SEC31A: variants seen among roughly 807,000 people sequenced by gnomAD.
SEC31A encodes the protein SEC31 homolog A, COPII component.
In SEC31A, 70 loss-of-function variants were observed where a neutral mutation model predicts 151.0. That is an observed-to-expected ratio of 0.46 (90% CI 0.38 to 0.57). The LOEUF is 0.57. Among genes scored for constraint, SEC31A ranks in the 20% least tolerant of loss-of-function variants. The pLI is 0.00. For synonymous variants in SEC31A, 475 were observed against 505.9 expected, an observed-to-expected ratio of 0.94 and a Z score of 0.82; for missense variants, 1,330 against 1,471.2, an observed-to-expected ratio of 0.90 and a Z score of 1.57.
chr4:82,890,839 G>A, intron 1 of SEC31A: 2 of 1,329,670 alleles, frequency 1.5e-6, no homozygotes, highest in Non-Finnish European at 1.9e-6. Flanking sequence ...ACTGTCGCCA[G>A]CCTCGGGTGG....
intron 1 of SEC31A, among the ~76,000 whole-genome samples, chr4:82,890,268 G>A (rs1302985107): frequency 1.4e-5 from 2 of 146,020 alleles, no homozygotes; most frequent in African/African-American, 5.1e-5. Flanking sequence ...CGGAGGTACA[G>A]AAAACGCAGG....
At position 82,818,933 on chromosome 4, in the gene SEC31A, T is replaced by C. The variant is rs181854771; in HGVS notation, c.*141A>G. 8.4e-6 allele frequency: 5 copies of C among 596,224 alleles called. No homozygotes were observed. The highest frequency in any genetic ancestry group is 1.4e-5 in the Non-Finnish European group (5 of 358,010). 36.9% of individuals were successfully genotyped at this position (596,224 alleles called of 1,614,324 possible). A position where few individuals can be genotyped will look rare whatever the true frequency, so the allele number is the denominator to read the frequency against. On this transcript the variant is annotated 3_prime_UTR_variant, in exon 27 of 27. Coordinates refer to ENST00000395310, the MANE Select transcript of SEC31A (RefSeq NM_001077207.4). ...GTTCTGAGCAGTTCTAAGGTGAGTA[T>C]ATCAGCAGAAATAGTGTAAATGCTC...
chr4:82,826,037 T>C (rs1430297375), intron 24 of SEC31A, among the ~76,000 whole-genome samples: 1 of 152,086 alleles, frequency 6.6e-6, no homozygotes, highest in Non-Finnish European at 1.5e-5. Context: ...CATGCTGAGG[T>C]TGAAGTACCT....
chr4:82,851,717 G>A (rs1329354909), intron 18 of SEC31A, 113 bp from the exon 19 acceptor site: 11 of 837,590 alleles, frequency 1.3e-5, no homozygotes, highest in African/African-American at 1.7e-5. Flanking sequence ...TATAGTACCT[G>A]TTATCATCCC....
chr4:82,865,583 T>TAC (rs1280858149), intron 10 of SEC31A, among the ~76,000 whole-genome samples: 2 of 99,692 alleles, frequency 2.0e-5, no homozygotes, highest in South Asian at 3.2e-4. Flanking sequence ...TATATATATA[T>TAC]ACAATGCAAT....
chr4:82,859,784 T>TAA (rs1733645724), intron 14 of SEC31A, among the ~76,000 whole-genome samples: 1 of 111,198 alleles, frequency 9.0e-6, no homozygotes, highest in African/African-American at 3.1e-5. Context: ...CAAACTTGCA[T>TAA]AAAAATATTT....
chr4:82,845,466 C>G (rs1305847230), intron 20 of SEC31A, among the ~76,000 whole-genome samples: 1 of 151,808 alleles, frequency 6.6e-6, no homozygotes, highest in Admixed American at 6.6e-5. Context: ...CCCAAAAAAA[C>G]AAAACAAAAC....
chr4:82,838,322 T>C (rs1272649794), intron 22 of SEC31A, among the ~76,000 whole-genome samples: 1 of 152,138 alleles, frequency 6.6e-6, no homozygotes, highest in Non-Finnish European at 1.5e-5. Context: ...GAAAGTGCTC[T>C]CCCTCCTAGA....
intron 14 of SEC31A, 150 bp downstream of exon 14, chr4:82,861,481 T>C: frequency 5.3e-6 from 3 of 562,590 alleles, no homozygotes; most frequent in Non-Finnish European, 9.8e-6. Flanking sequence ...TCAGTATAGG[T>C]AGATAGATTC....
intron 26 of SEC31A, among the ~76,000 whole-genome samples, chr4:82,820,710 C>T (rs1336036337): frequency 3.9e-5 from 6 of 152,148 alleles, no homozygotes; most frequent in Non-Finnish European, 5.9e-5. Flanking sequence ...TCTGCATACT[C>T]TTTGATTTCT....
Position 82,853,636 on chromosome 4 carries a change from C to T in SEC31A, c.2088G>A (p.Gly696=), listed in dbSNP as rs1731919445. 3 of 1,604,928 alleles carry T rather than the reference C, an allele frequency of 1.9e-6. No individual in the cohort carries two copies. The highest frequency in any genetic ancestry group is 2.7e-5 in the African/African-American group (2 of 74,284). ...TQACLCYICA[G]NVEKLVACWT... is the part of the protein sequence containing the mutation. ...AACATGCAACTAATTTCTCTACATT[C>T]CCTGCACAAATATAGCAGAGACATG... The change falls in exon 18 of 27, where the codon GGG becomes GGA. Residue 696 remains glycine (G), a synonymous_variant. Coordinates refer to ENST00000395310, the MANE Select transcript of SEC31A (RefSeq NM_001077207.4).
chr4:82,858,316 C>T (rs975554884), intron 14 of SEC31A, among the ~76,000 whole-genome samples: 7 of 150,608 alleles, frequency 4.6e-5, no homozygotes, highest in Admixed American at 1.3e-4. Flanking sequence ...GAGGCCGAGG[C>T]GGGCAGATCA....
chr4:82,880,856 T>A lies in SEC31A; in HGVS notation c.146A>T (p.Asp49Val), dbSNP rs746705842. 9.3e-6 allele frequency: 15 copies of A among 1,612,164 alleles called. No homozygotes were observed. Among genetic ancestry groups the A allele is most frequent in the East Asian group, 6.7e-5 (3 of 44,832 alleles). ...TNASLEIFELDLSDPSLDMKS... is the reference protein window; with the variant it reads ...TNASLEIFELVLSDPSLDMKS... ...CATATCCAAGGATGGATCAGAGAGG[T>A]CTAATTCAAATATCTCAAGGGAAGC... Residue 49 changes from aspartate to valine, a missense_variant, in exon 3 of 27, where the codon GAC (aspartate) becomes GTC (valine). Physicochemically the swap from Asp to Val is radical, Grantham distance 152. Coordinates refer to ENST00000395310, the MANE Select transcript of SEC31A (RefSeq NM_001077207.4).
At chr4:82,834,769 CCT>C (rs572839820) in intron 22 of SEC31A, among the ~76,000 whole-genome samples, 55 of 152,196 alleles carry the variant, frequency 3.6e-4, no homozygotes, top group African/African-American at 1.3e-3. Context: ...AATTCTAACC[CCT>C]TTCAATCCTT....
chr4:82,866,192 C>T (rs1338980310), intron 10 of SEC31A, among the ~76,000 whole-genome samples: 5 of 151,694 alleles, frequency 3.3e-5, no homozygotes, highest in Non-Finnish European at 5.9e-5. Context: ...GGAGGAGGGC[C>T]GGGTGCAGTG....
At position 82,818,999 on chromosome 4, in the gene SEC31A, C is replaced by A. The variant is rs186534900; in HGVS notation, c.*75G>T. On this transcript the variant is annotated 3_prime_UTR_variant, in exon 27 of 27. Coordinates refer to ENST00000395310, the MANE Select transcript of SEC31A (RefSeq NM_001077207.4). ...GCAAACATGCTAATGAGGACTAGTCCATGTCTTATAATTTTTTTTTTTAAC... is the reference window on the plus strand; with the variant it reads ...GCAAACATGCTAATGAGGACTAGTCAATGTCTTATAATTTTTTTTTTTAAC... 39 of 1,255,760 alleles carry A rather than the reference C, an allele frequency of 3.1e-5. No homozygotes were observed. In the Admixed American group the frequency reaches 6.5e-4, roughly 21 times the overall value. The allele number at this position is 1,255,760 out of a possible 1,614,324, so 77.8% of individuals were successfully genotyped here. A position where few individuals can be genotyped will look rare whatever the true frequency, so the allele number is the denominator to read the frequency against.
chr4:82,881,401 C>A (rs951716096), intron 2 of SEC31A, among the ~76,000 whole-genome samples: 8 of 151,714 alleles, frequency 5.3e-5, no homozygotes, highest in Non-Finnish European at 1.2e-4. Flanking sequence ...GGAGGTGGAG[C>A]TTGCAGTGAG....
rs772527253 is a variant in SEC31A at position 82,827,603 on chromosome 4, G to A, written c.3057C>T (p.Pro1019=). The change falls in exon 24 of 27, where the codon CCC becomes CCT. Residue 1019 remains proline, a synonymous_variant. Coordinates refer to ENST00000395310, the MANE Select transcript of SEC31A (RefSeq NM_001077207.4). ...KMPENFMPPV[P]ITSPIMNPLG... ...ACGGGTTCATGATTGGTGATGTGAT[G>A]GGAACAGGAGGCATGAAGTTTTCAG... is the stretch of plus-strand genomic sequence containing the variant. The A allele has an allele frequency of 6.2e-6, 10 of 1,614,084 alleles. No individual in the cohort carries two copies. The South Asian group carries it at 1.1e-4, about 18-fold the overall frequency.
At chr4:82,874,998 T>C (rs745890574) in intron 5 of SEC31A, among the ~76,000 whole-genome samples, 14 of 152,258 alleles carry the variant, frequency 9.2e-5, no homozygotes, top group Admixed American at 2.6e-4. Flanking sequence ...ACAAGAATTT[T>C]ATTGAATTTC....
Sources: allele counts gnomAD v4.1 joint callset (sites outside exome capture counted in the v4.1 genomes callset), GRCh38; gene constraint gnomAD v4.1.1; transcripts MANE v1.5; gene names NCBI Gene and HGNC (gene_info 2026-07-23, HGNC 2026-07-21).